Variants in IGF1R observed in about 807,000 individuals in gnomAD.
IGF1R encodes insulin-like growth factor 1 receptor.
In IGF1R, 44 loss-of-function variants were observed where a neutral mutation model predicts 144.6. That is an observed-to-expected ratio of 0.30 (90% CI 0.24 to 0.39). The LOEUF is 0.39. Among genes scored for constraint, IGF1R ranks in the 10% least tolerant of loss-of-function variants. The pLI is 1.00. For synonymous variants in IGF1R, 795 were observed against 722.8 expected, an observed-to-expected ratio of 1.10 and a Z score of -1.60; for missense variants, 1,355 against 1,833.7, an observed-to-expected ratio of 0.74 and a Z score of 4.77.
intron 2 of IGF1R, 149 bp downstream of exon 2, chr15:98,708,256 T>C: frequency 1.4e-6 from 1 of 739,494 alleles, no homozygotes; most frequent in Non-Finnish European, 2.4e-6. Context: ...TGTGCGGAAG[T>C]GGTTCCCAGT....
chr15:98,768,902 T>C (rs2055509927), intron 2 of IGF1R, among the ~76,000 whole-genome samples: 1 of 148,218 alleles, frequency 6.7e-6, no homozygotes, highest in Non-Finnish European at 1.5e-5. Flanking sequence ...CACTCCAACC[T>C]GGGTGACAGA....
At position 98,963,204 on chromosome 15, in the gene IGF1R, T is replaced by G. The variant is rs1423114386; in HGVS notation, c.*5762T>G. On this transcript the variant is annotated 3_prime_UTR_variant, in exon 21 of 21. Coordinates refer to ENST00000650285, the MANE Select transcript of IGF1R (RefSeq NM_000875.5). ...TTTCTCTGTGTGTGCAAATGTGTGT[T>G]TGTGATCCATTTTTTTTTTTTTTTT... 3 of 210,708 alleles carry G rather than the reference T, an allele frequency of 1.4e-5. No homozygotes were observed. Among genetic ancestry groups the G allele is most frequent in the Non-Finnish European group, 8.8e-6 (1 of 113,952 alleles). 13.1% of individuals were successfully genotyped at this position (210,708 alleles called of 1,614,324 possible). A position where few individuals can be genotyped will look rare whatever the true frequency, so the allele number is the denominator to read the frequency against.
Position 98,962,958 on chromosome 15 carries a change from G to A in IGF1R, c.*5516G>A, listed in dbSNP as rs576430759. 8 of 233,564 alleles carry A rather than the reference G, an allele frequency of 3.4e-5. No homozygotes were observed. In the South Asian group the frequency reaches 5.4e-4, roughly 16 times the overall value. 14.5% of individuals were successfully genotyped at this position (233,564 alleles called of 1,614,324 possible). ...ACGATCACTCATTTTTATGTCCCAC[G>A]TGTGTGTGTCCGCATCTTTCTGGTC... On this transcript the variant is annotated 3_prime_UTR_variant, in exon 21 of 21. Coordinates refer to ENST00000650285, the MANE Select transcript of IGF1R (RefSeq NM_000875.5).
chr15:98,680,305 C>T (rs1342764497), intron 1 of IGF1R, among the ~76,000 whole-genome samples: 3 of 151,348 alleles, frequency 2.0e-5, no homozygotes, highest in South Asian at 2.1e-4. Flanking sequence ...CTCGCTCTGT[C>T]GCCCAGGCTG....
chr15:98,676,605 TTG>T (rs2053053016), intron 1 of IGF1R, among the ~76,000 whole-genome samples: 1 of 152,116 alleles, frequency 6.6e-6, no homozygotes, highest in African/African-American at 2.4e-5. Flanking sequence ...CAGGTGAACT[TTG>T]TGTGTGTGTA....
chr15:98,665,229 G>A (rs974973577), intron 1 of IGF1R, among the ~76,000 whole-genome samples: 2 of 152,162 alleles, frequency 1.3e-5, no homozygotes, highest in Admixed American at 6.5e-5. Flanking sequence ...GGGATTAAAG[G>A]CGTGAGCCAC....
intron 2 of IGF1R, among the ~76,000 whole-genome samples, chr15:98,803,049 T>C (rs957092855): frequency 6.6e-6 from 1 of 152,182 alleles, no homozygotes; most frequent in Non-Finnish European, 1.5e-5. Context: ...TAATTAAAAA[T>C]GTACAGATCT....
At chr15:98,766,300 A>G (rs1041808187) in intron 2 of IGF1R, among the ~76,000 whole-genome samples, 2 of 152,238 alleles carry the variant, frequency 1.3e-5, no homozygotes. Flanking sequence ...TCAAATCCCC[A>G]GAAATCCCTT....
intron 1 of IGF1R, among the ~76,000 whole-genome samples, chr15:98,689,060 A>G (rs1213360499): frequency 6.6e-6 from 1 of 152,114 alleles, no homozygotes; most frequent in Non-Finnish European, 1.5e-5. Flanking sequence ...CTCTGCAAAA[A>G]TCAATGTTAG....
intron 2 of IGF1R, among the ~76,000 whole-genome samples, chr15:98,866,321 C>G (rs1427131872): frequency 6.6e-6 from 1 of 152,232 alleles, no homozygotes; most frequent in East Asian, 1.9e-4. Context: ...CTGCAGCACG[C>G]TGCTTTCTTC....
At chr15:98,706,344 AG>A (rs2053862265) in intron 1 of IGF1R, among the ~76,000 whole-genome samples, 1 of 152,386 alleles carries the variant, frequency 6.6e-6, no homozygotes, top group East Asian at 1.9e-4. Context: ...ATCCTAAAAA[AG>A]GTTATCACAA....
intron 1 of IGF1R, among the ~76,000 whole-genome samples, chr15:98,677,122 G>A (rs9920515): frequency 0.91 from 137,738 of 151,918 alleles, 62,697 homozygotes; most frequent in Middle Eastern, 0.96. Context: ...TTTCTTTTAG[G>A]GGCAGGATCT....
At chr15:98,665,698 T>C (rs1747983374) in intron 1 of IGF1R, among the ~76,000 whole-genome samples, 1 of 152,244 alleles carries the variant, frequency 6.6e-6, no homozygotes, top group Non-Finnish European at 1.5e-5. Flanking sequence ...TGTGCGTGGA[T>C]GGCTGCTTGC....
chr15:98,702,963 G>T (rs945159173), intron 1 of IGF1R, among the ~76,000 whole-genome samples: 8 of 151,972 alleles, frequency 5.3e-5, no homozygotes, highest in East Asian at 1.9e-4. Context: ...TAAATAAAAT[G>T]ACATCTTTGG....
intron 6 of IGF1R, among the ~76,000 whole-genome samples, chr15:98,910,207 T>G (rs1420707544): frequency 6.6e-6 from 1 of 152,138 alleles, no homozygotes; most frequent in Non-Finnish European, 1.5e-5. Context: ...CGCCCCCTGC[T>G]CACTCTATCC....
At chr15:98,875,684 A>T (rs1166581654) in intron 2 of IGF1R, among the ~76,000 whole-genome samples, 1 of 152,186 alleles carries the variant, frequency 6.6e-6, no homozygotes, top group South Asian at 2.1e-4. Context: ...CATCTTTCAA[A>T]GCAAATTCCT....
intron 17 of IGF1R, among the ~76,000 whole-genome samples, chr15:98,936,922 G>T (rs551298651): frequency 6.6e-6 from 1 of 152,254 alleles, no homozygotes; most frequent in East Asian, 1.9e-4. Context: ...GTTTTGCTCT[G>T]TTGCCCAGGC....
chr15:98,782,450 T>C (rs1373430049), intron 2 of IGF1R, among the ~76,000 whole-genome samples: 1 of 152,018 alleles, frequency 6.6e-6, no homozygotes, highest in African/African-American at 2.4e-5. Flanking sequence ...TACTCTCTCA[T>C]TTATTTATAT....
intron 1 of IGF1R, among the ~76,000 whole-genome samples, chr15:98,671,374 G>C (rs1198416775): frequency 6.6e-6 from 1 of 152,170 alleles, no homozygotes; most frequent in African/African-American, 2.4e-5. Flanking sequence ...GAAGCCTGGG[G>C]CAGGCTCTGT....
Sources: gnomAD v4.1 joint callset for allele counts (sites outside exome capture counted in the v4.1 genomes callset) on GRCh38, gnomAD v4.1.1 for gene constraint, MANE v1.5 for transcripts, NCBI Gene and HGNC (gene_info 2026-07-23, HGNC 2026-07-21) for gene names.